The following CCDC171 variants were observed in gnomAD, a reference collection of about 807,000 sequenced individuals.
CCDC171 encodes the protein coiled-coil domain-containing protein 171.
Under a neutral mutation model 168.2 loss-of-function variants are expected in CCDC171, and 177 were observed. That is an observed-to-expected ratio of 1.05 (90% CI 0.93 to 1.19). The LOEUF is 1.19. CCDC171 is among the 50% of genes most tolerant of loss of function. CCDC171 has a pLI of 0.00. For synonymous variants in CCDC171, 687 were observed against 540.8 expected, an observed-to-expected ratio of 1.27 and a Z score of -3.75; for missense variants, 1,991 against 1,539.0, an observed-to-expected ratio of 1.29 and a Z score of -4.91.
rs541363276 is a variant in CCDC171 at position 15,696,915 on chromosome 9, G to C, written c.1318+1578G>C. 3.9e-4 allele frequency among the ~76,000 whole-genome samples: 59 copies of C among 152,280 alleles called. 1 individual carries two copies. Among genetic ancestry groups the C allele is most frequent in the East Asian group, 2.3e-3 (12 of 5,186 alleles). ...GAATGTGTTCCTGCGAAAGGACTGT[G>C]CACTGAATTAGTGATTTTTGGATTG... On this transcript the variant is annotated intron_variant, in intron 11 of 25. Coordinates refer to ENST00000380701, the MANE Select transcript of CCDC171 (RefSeq NM_173550.4).
At chr9:16,095,020 G>A in the CCDC171 span, among the ~76,000 whole-genome samples, 10 of 152,298 alleles carry the variant, frequency 6.6e-5, no homozygotes, top group East Asian at 1.9e-4. Context: ...CATGTGAGAC[G>A]TGTATGCTTC....
At chr9:15,945,027 T>A (rs1385310773) in intron 25 of CCDC171, among the ~76,000 whole-genome samples, 1 of 151,628 alleles carries the variant, frequency 6.6e-6, no homozygotes, top group African/African-American at 2.4e-5. Flanking sequence ...GCTATCCCTC[T>A]CCCCCGCCCA....
At chr9:15,642,343 G>GTGTACATATA (rs1369419679) in intron 7 of CCDC171, among the ~76,000 whole-genome samples, 1 of 107,570 alleles carries the variant, frequency 9.3e-6, no homozygotes, top group African/African-American at 5.0e-5. Flanking sequence ...GTGTGTGTGT[G>GTGTACATATA]TATATATATA....
At chr9:15,638,762 T>A (rs2046382234) in intron 7 of CCDC171, among the ~76,000 whole-genome samples, 1 of 150,484 alleles carries the variant, frequency 6.6e-6, no homozygotes, top group Non-Finnish European at 1.5e-5. Flanking sequence ...TTTCTTAGAT[T>A]AAAAAAAAAC....
At chr9:15,989,535 G>A (rs1376245548) in intron 3 of CCDC171, among the ~76,000 whole-genome samples, 1 of 152,160 alleles carries the variant, frequency 6.6e-6, no homozygotes, top group African/African-American at 2.4e-5. Context: ...CCCCTCCAAA[G>A]GAACGCAGCT....
chr9:15,610,144 C>G lies in CCDC171; in HGVS notation c.676-13123C>G, dbSNP rs367991149. 2.0e-4 allele frequency among the ~76,000 whole-genome samples: 31 copies of G among 152,024 alleles called. No homozygotes were observed. In the East Asian group the frequency reaches 4.3e-3, roughly 21 times the overall value. The stretch of plus-strand genomic sequence containing the variant: ...TCATGTTTGTAATGTCTTAATTTAA[C>G]TCTTTGAGGATATAAGTCATACTTA... On this transcript the variant is annotated intron_variant, in intron 6 of 25. Transcript: ENST00000380701.
At chr9:16,071,514 G>GT in the CCDC171 span, among the ~76,000 whole-genome samples, 5 of 140,672 alleles carry the variant, frequency 3.6e-5, no homozygotes, top group Non-Finnish European at 7.6e-5. Flanking sequence ...CCACAGTTGT[G>GT]TTTTTGCTTA....
At chr9:15,838,054 C>A (rs2060522736) in intron 21 of CCDC171, among the ~76,000 whole-genome samples, 1 of 152,034 alleles carries the variant, frequency 6.6e-6, no homozygotes, top group African/African-American at 2.4e-5. Flanking sequence ...TCATTTATTT[C>A]TGCTATGATG....
intron 11 of CCDC171, among the ~76,000 whole-genome samples, chr9:15,721,118 T>A (rs1008811420): frequency 3.3e-5 from 5 of 152,230 alleles, no homozygotes; most frequent in African/African-American, 7.2e-5. Flanking sequence ...AATGCTCATA[T>A]TTTTACCATG....
chr9:16,079,823 A>G, the CCDC171 span, among the ~76,000 whole-genome samples: 1 of 152,198 alleles, frequency 6.6e-6, no homozygotes, highest in Non-Finnish European at 1.5e-5. Flanking sequence ...AATGCTTACA[A>G]TTTAGCAGGC....
the CCDC171 span, among the ~76,000 whole-genome samples, chr9:16,106,765 A>C: frequency 2.0e-5 from 3 of 152,098 alleles, no homozygotes; most frequent in Admixed American, 6.5e-5. Flanking sequence ...TAAACAATAA[A>C]ACTAAATGCT....
At chr9:15,796,084 G>T (rs62571333) in intron 21 of CCDC171, among the ~76,000 whole-genome samples, 19,804 of 151,782 alleles carry the variant, frequency 0.13, 1,550 homozygotes, top group Middle Eastern at 0.23. Context: ...ACTTTAGGTG[G>T]TAGAAATACT....
At chr9:15,650,773 GTTTT>G (rs552324941) in intron 7 of CCDC171, among the ~76,000 whole-genome samples, 1 of 151,488 alleles carries the variant, frequency 6.6e-6, no homozygotes, top group African/African-American at 2.4e-5. Context: ...GGGTACATGT[GTTTT>G]TTTTATGTGC....
intron 6 of CCDC171, among the ~76,000 whole-genome samples, chr9:15,622,895 A>T (rs1217530663): frequency 6.6e-6 from 1 of 152,220 alleles, no homozygotes; most frequent in Non-Finnish European, 1.5e-5. Flanking sequence ...ATCATTTCTT[A>T]TTATAAAAAG....
chr9:15,755,849 T>C (rs2134967336), intron 18 of CCDC171, among the ~76,000 whole-genome samples: 1 of 152,236 alleles, frequency 6.6e-6, no homozygotes, highest in Middle Eastern at 3.4e-3. Context: ...TCTTTTGGGG[T>C]TGATAAAAAT....
intron 1 of CCDC171, among the ~76,000 whole-genome samples, chr9:15,562,181 A>C (rs2039356370): frequency 6.6e-6 from 1 of 151,872 alleles, no homozygotes; most frequent in Non-Finnish European, 1.5e-5. Context: ...TTTTTAGTAG[A>C]GTCGGGGTTT....
At chr9:15,834,087 A>G (rs903504060) in intron 21 of CCDC171, among the ~76,000 whole-genome samples, 2 of 152,188 alleles carry the variant, frequency 1.3e-5, no homozygotes, top group Non-Finnish European at 2.9e-5. Flanking sequence ...TTAAATTAAT[A>G]AATAGTACAT....
chr9:16,044,718 C>G (rs1388745741), intron 1 of CCDC171, among the ~76,000 whole-genome samples: 1 of 152,110 alleles, frequency 6.6e-6, no homozygotes, highest in Non-Finnish European at 1.5e-5. Flanking sequence ...GAGGAGGACG[C>G]TCTGGGCCTC....
the CCDC171 span, among the ~76,000 whole-genome samples, chr9:16,080,670 G>A: frequency 6.6e-6 from 1 of 152,226 alleles, no homozygotes; most frequent in Admixed American, 6.5e-5. Context: ...GGGAGAGAAA[G>A]GAAAGCTAAA....
Sources: allele counts gnomAD v4.1 joint callset (sites outside exome capture counted in the v4.1 genomes callset), GRCh38; gene constraint gnomAD v4.1.1; transcripts MANE v1.5; gene names NCBI Gene and HGNC (gene_info 2026-07-23, HGNC 2026-07-21).